The following HPSE2 variants were observed in gnomAD, a reference collection of about 807,000 sequenced individuals.
HPSE2 encodes the protein inactive heparanase-2.
Under a neutral mutation model 60.5 loss-of-function variants are expected in HPSE2, and 38 were observed. That is an observed-to-expected ratio of 0.63 (90% CI 0.48 to 0.82). The LOEUF (loss-of-function observed/expected upper bound fraction) is 0.82. Among genes scored for constraint, HPSE2 ranks in the 40% least tolerant of loss-of-function variants. The pLI is 0.00. For synonymous variants in HPSE2, 295 were observed against 293.2 expected (o/e 1.01, Z -0.06); for missense variants, 713 against 740.4 (o/e 0.96, Z 0.43).
At position 98,778,317 on chromosome 10, in the gene HPSE2, G is replaced by T. The variant is rs189678569; in HGVS notation, c.611-34261C>A. On this transcript the variant is annotated intron_variant, in intron 3 of 11. Transcript: ENST00000370552. ...GAGAGAAAGCAAGAAAGACCTGTTA[G>T]CCAAAGCCTTTATTGGGATCTAGGG... is the stretch of plus-strand genomic sequence containing the variant. Among the ~76,000 whole-genome samples the T allele has an allele frequency of 3.7e-5, 3 of 81,744 alleles. No individual in the cohort carries two copies. The East Asian group carries it at 7.9e-4, about 21-fold the overall frequency. The allele number at this position is 81,744 out of a possible 152,430, so 53.6% of individuals were successfully genotyped here. A position where few individuals can be genotyped will look rare whatever the true frequency, so the allele number is the denominator to read the frequency against.
chr10:99,111,853 A>G (rs1564816148), intron 3 of HPSE2, among the ~76,000 whole-genome samples: 1 of 152,080 alleles, frequency 6.6e-6, no homozygotes, highest in Non-Finnish European at 1.5e-5. Context: ...GCCAACTCAG[A>G]CTCCTATTCC....
the HPSE2 span, among the ~76,000 whole-genome samples, chr10:99,293,211 G>A: frequency 6.6e-6 from 1 of 151,850 alleles, no homozygotes; most frequent in African/African-American, 2.4e-5. Context: ...AACATGGGAA[G>A]TAAACAGCAA....
chr10:99,011,208 C>T (rs910340280), intron 3 of HPSE2, among the ~76,000 whole-genome samples: 1 of 151,510 alleles, frequency 6.6e-6, no homozygotes, highest in African/African-American at 2.4e-5. Flanking sequence ...AAATGTTATG[C>T]TTGCATTTTG....
At chr10:98,995,901 A>C (rs1314162434) in intron 3 of HPSE2, among the ~76,000 whole-genome samples, 2 of 152,178 alleles carry the variant, frequency 1.3e-5, no homozygotes, top group African/African-American at 4.8e-5. Flanking sequence ...AGCACACATT[A>C]AAAGCATACT....
At chr10:98,941,294 T>C (rs1241058419) in intron 3 of HPSE2, among the ~76,000 whole-genome samples, 1 of 126,620 alleles carries the variant, frequency 7.9e-6, no homozygotes, top group East Asian at 2.4e-4. Context: ...AGTCAAATTG[T>C]CCCTGTTTGC....
At chr10:98,630,875 A>G (rs1946350562) in intron 7 of HPSE2, among the ~76,000 whole-genome samples, 1 of 152,180 alleles carries the variant, frequency 6.6e-6, no homozygotes, top group African/African-American at 2.4e-5. Context: ...TCACAGTTCC[A>G]GTTTAGGGCT....
chr10:99,121,102 T>C (rs1844935316), intron 3 of HPSE2, among the ~76,000 whole-genome samples: 1 of 152,154 alleles, frequency 6.6e-6, no homozygotes, highest in Admixed American at 6.5e-5. Context: ...TACCACAGAA[T>C]ACTATGCAGT....
intron 3 of HPSE2, among the ~76,000 whole-genome samples, chr10:98,872,397 C>T (rs1952758169): frequency 1.3e-5 from 2 of 152,066 alleles, no homozygotes; most frequent in African/African-American, 4.8e-5. Flanking sequence ...GGTTCTCAAA[C>T]TTTAGAAATT....
At chr10:99,311,037 A>C in the HPSE2 span, among the ~76,000 whole-genome samples, 3 of 152,192 alleles carry the variant, frequency 2.0e-5, no homozygotes, top group Non-Finnish European at 4.4e-5. Flanking sequence ...AGTGTATTAT[A>C]CTTTTATATT....
chr10:99,248,432 G>T, the HPSE2 span, among the ~76,000 whole-genome samples: 1 of 152,208 alleles, frequency 6.6e-6, no homozygotes, highest in Admixed American at 6.5e-5. Context: ...GTATCCAGTG[G>T]AAGAAGTTTC....
At chr10:99,145,162 T>C (rs757346716) in intron 2 of HPSE2, among the ~76,000 whole-genome samples, 24 of 152,096 alleles carry the variant, frequency 1.6e-4, no homozygotes, top group Admixed American at 4.6e-4. Context: ...GAAAAATTCA[T>C]ACAGAATGCT....
At chr10:98,864,080 A>G (rs774360406) in intron 3 of HPSE2, among the ~76,000 whole-genome samples, 2 of 152,140 alleles carry the variant, frequency 1.3e-5, no homozygotes, top group Non-Finnish European at 2.9e-5. Flanking sequence ...TCTAGTCCAC[A>G]TGTTTGGAAT....
intron 2 of HPSE2, among the ~76,000 whole-genome samples, chr10:99,192,841 T>C (rs1178847488): frequency 1.3e-5 from 2 of 152,052 alleles, no homozygotes; most frequent in African/African-American, 2.4e-5. Context: ...GACAAACAAA[T>C]GCTGAGGATT....
intron 3 of HPSE2, among the ~76,000 whole-genome samples, chr10:99,130,405 C>T (rs1161671550): frequency 6.6e-6 from 1 of 152,116 alleles, no homozygotes; most frequent in Non-Finnish European, 1.5e-5. Context: ...CCAAATACAA[C>T]AGCATATCAA....
At chr10:98,562,204 T>C (rs1944206576) in intron 9 of HPSE2, among the ~76,000 whole-genome samples, 1 of 152,210 alleles carries the variant, frequency 6.6e-6, no homozygotes, top group South Asian at 2.1e-4. Flanking sequence ...CTAGGAGCAA[T>C]AGGTTATATT....
intron 2 of HPSE2, among the ~76,000 whole-genome samples, chr10:99,153,679 C>A (rs888246399): frequency 2.0e-4 from 30 of 152,300 alleles, no homozygotes; most frequent in East Asian, 7.7e-4. Context: ...ACTGGAAATT[C>A]TAAAAAGCAG....
intron 3 of HPSE2, among the ~76,000 whole-genome samples, chr10:99,078,788 AC>A (rs1843033045): frequency 6.6e-6 from 1 of 152,114 alleles, no homozygotes; most frequent in Admixed American, 6.5e-5. Context: ...GCATTAGAGA[AC>A]AGTTACCTTT....
intron 2 of HPSE2, among the ~76,000 whole-genome samples, chr10:99,185,834 G>A (rs749465603): frequency 7.9e-5 from 12 of 151,822 alleles, no homozygotes; most frequent in East Asian, 1.9e-4. Context: ...GAATGATGGC[G>A]GATGTTTTGT....
At chr10:98,760,157 T>C (rs923592482) in intron 3 of HPSE2, among the ~76,000 whole-genome samples, 16 of 152,126 alleles carry the variant, frequency 1.1e-4, no homozygotes, top group African/African-American at 3.6e-4. Flanking sequence ...TGAATTCATT[T>C]ATTAATTCTA....
Sources: allele counts gnomAD v4.1 joint callset (sites outside exome capture counted in the v4.1 genomes callset), GRCh38; gene constraint gnomAD v4.1.1; transcripts MANE v1.5; gene names NCBI Gene and HGNC (gene_info 2026-07-23, HGNC 2026-07-21).